Variants in PDE2A observed in about 807,000 individuals in gnomAD.
PDE2A encodes the protein cGMP-dependent 3',5'-cyclic phosphodiesterase.
A neutral mutation model predicts 133.6 loss-of-function variants in PDE2A; 53 were observed. The observed-to-expected ratio is 0.40, with a 90% CI of 0.32 to 0.50. The LOEUF (loss-of-function observed/expected upper bound fraction) is 0.50, where lower values mean the gene tolerates loss of function less well. PDE2A is among the 20% of genes least tolerant of loss of function. PDE2A has a pLI of 0.73. For missense variants in PDE2A, 796 were observed against 1,232.4 expected (o/e 0.65, Z 5.30); for synonymous variants, 491 against 490.2 (o/e 1.00, Z -0.02).
intron 2 of PDE2A, chr11:72,631,033 C>T (rs371975955): frequency 4.0e-5 from 58 of 1,436,936 alleles, no homozygotes; most frequent in Non-Finnish European, 5.0e-5. Flanking sequence ...AGTCTGCGCC[C>T]CACCCCCTCA....
chr11:72,615,009 A>T (rs145450660), intron 2 of PDE2A: 6 of 212,416 alleles, frequency 2.8e-5, no homozygotes, highest in Non-Finnish European at 5.5e-5. Flanking sequence ...CTCCCGCTCC[A>T]TGCCCCCATC....
chr11:72,658,980 G>A (rs1005423743), intron 1 of PDE2A, among the ~76,000 whole-genome samples: 1 of 151,996 alleles, frequency 6.6e-6, no homozygotes, highest in Non-Finnish European at 1.5e-5. Flanking sequence ...GGTGTGAGCC[G>A]CTGTGCCCAG....
chr11:72,673,879 C>A (rs1271456261), intron 1 of PDE2A, among the ~76,000 whole-genome samples: 2 of 152,156 alleles, frequency 1.3e-5, no homozygotes, highest in East Asian at 1.9e-4. Context: ...CCTCCTCCAA[C>A]CAGCAGCCCC....
chr11:72,607,278 C>T (rs956566469), intron 3 of PDE2A, among the ~76,000 whole-genome samples: 9 of 152,198 alleles, frequency 5.9e-5, no homozygotes, highest in African/African-American at 1.2e-4. Context: ...CTGGCACAGC[C>T]GCCAGGGCAC....
intron 3 of PDE2A, among the ~76,000 whole-genome samples, chr11:72,605,709 G>A (rs1293357045): frequency 6.6e-6 from 1 of 152,194 alleles, no homozygotes; most frequent in Non-Finnish European, 1.5e-5. Flanking sequence ...CCCCAGCCAG[G>A]GGAGGAACAC....
chr11:72,597,364 TA>T lies in PDE2A; in HGVS notation c.433+145del. ...TTTAGTAGTACAATAGAGAGAGAAT[TA>T]GATGGAGGGACTGCTAGAGACACAG... is the stretch of plus-strand genomic sequence containing the variant. On this transcript the variant is annotated intron_variant, in intron 5 of 30. Coordinates refer to ENST00000334456, the MANE Select transcript of PDE2A (RefSeq NM_002599.5). The surrounding 1 kb of genome is among the most constrained non-coding windows in gnomAD (Gnocchi z 4.6). 1.7e-6 allele frequency: 1 copy of T among 590,380 alleles called. No homozygotes were observed. The highest frequency in any genetic ancestry group is 3.0e-6 in the Non-Finnish European group (1 of 330,614). 36.6% of individuals were successfully genotyped at this position (590,380 alleles called of 1,614,324 possible). A position where few individuals can be genotyped will look rare whatever the true frequency, so the allele number is the denominator to read the frequency against.
intron 2 of PDE2A, among the ~76,000 whole-genome samples, chr11:72,614,611 G>A (rs775497104): frequency 7.9e-5 from 12 of 152,192 alleles, no homozygotes; most frequent in African/African-American, 2.4e-4. Context: ...AAGAACTTGC[G>A]TTTCCAAACA....
At chr11:72,673,264 A>G (rs1855423759) in intron 1 of PDE2A, among the ~76,000 whole-genome samples, 1 of 152,118 alleles carries the variant, frequency 6.6e-6, no homozygotes, top group Non-Finnish European at 1.5e-5. Context: ...TCACACTCAG[A>G]CACATGCGAA....
chr11:72,604,461 C>G (rs1319212120), intron 4 of PDE2A, among the ~76,000 whole-genome samples: 2 of 152,226 alleles, frequency 1.3e-5, no homozygotes, highest in Non-Finnish European at 2.9e-5. Flanking sequence ...TTCCAGCATT[C>G]TCTCACAATG....
intron 4 of PDE2A, among the ~76,000 whole-genome samples, chr11:72,604,936 A>C (rs1856906155): frequency 6.6e-6 from 1 of 152,236 alleles, no homozygotes; most frequent in Non-Finnish European, 1.5e-5. Context: ...CTCTGTGCCT[A>C]TCCATTTCCC....
At chr11:72,652,015 G>T (rs1325309998) in intron 1 of PDE2A, among the ~76,000 whole-genome samples, 1 of 152,238 alleles carries the variant, frequency 6.6e-6, no homozygotes, top group Non-Finnish European at 1.5e-5. Flanking sequence ...GCTGGCCCCA[G>T]GATTCAGGCT....
intron 1 of PDE2A, among the ~76,000 whole-genome samples, chr11:72,662,344 T>C (rs1342953671): frequency 6.6e-6 from 1 of 152,030 alleles, no homozygotes; most frequent in Non-Finnish European, 1.5e-5. Context: ...CCCAGCACCA[T>C]AAGGGGGCTG....
At chr11:72,651,957 T>A (rs1854752790) in intron 1 of PDE2A, among the ~76,000 whole-genome samples, 1 of 152,206 alleles carries the variant, frequency 6.6e-6, no homozygotes, top group South Asian at 2.1e-4. Flanking sequence ...CTTCTGAGCC[T>A]GTTTCCTGAT....
intron 1 of PDE2A, among the ~76,000 whole-genome samples, chr11:72,671,424 G>A (rs1855382017): frequency 6.6e-6 from 1 of 152,196 alleles, no homozygotes; most frequent in Admixed American, 6.5e-5. Flanking sequence ...CAGCAGCATG[G>A]CTGAGGGTGA....
Position 72,579,375 on chromosome 11 carries a change from C to T in PDE2A, c.2265G>A (p.Gln755=). 6.2e-7 allele frequency: 1 copy of T among 1,613,514 alleles called. No homozygotes were observed. The highest frequency in any genetic ancestry group is 8.5e-7 in the Non-Finnish European group (1 of 1,179,682). The change falls in exon 27 of 31, where the codon CAG becomes CAA. Residue 755 remains glutamine (Q), a synonymous_variant. Transcript: ENST00000334456. Reference sequence around the variant, plus strand: ...TGTCCCGCATCAGATCCAGCATGCGCTGATAGTCCTGAGGCGAGGGCAGGG... The same window carrying T: ...TGTCCCGCATCAGATCCAGCATGCGTTGATAGTCCTGAGGCGAGGGCAGGG... ...IFDHFSRKDY[Q]RMLDLMRDII...
At chr11:72,594,722 C>T (rs573962146) in intron 6 of PDE2A, among the ~76,000 whole-genome samples, 51 of 152,232 alleles carry the variant, frequency 3.4e-4, no homozygotes, top group African/African-American at 1.2e-3. Context: ...CTGCCTTGCT[C>T]ACATTCCTCC....
chr11:72,584,765 A>C (rs750489647), intron 17 of PDE2A, 37 bp from the exon 18 acceptor site: 11 of 1,611,798 alleles, frequency 6.8e-6, no homozygotes, highest in African/African-American at 1.3e-5. Context: ...GGAAGAAGTT[A>C]GTGACCCGGC....
intron 14 of PDE2A, 55 bp downstream of exon 14, chr11:72,586,015 G>C (rs1855956495): frequency 9.6e-7 from 1 of 1,041,408 alleles, no homozygotes; most frequent in Non-Finnish European, 1.5e-6. Flanking sequence ...ATGGCTCTCG[G>C]GGCTGAAAAC....
intron 1 of PDE2A, among the ~76,000 whole-genome samples, chr11:72,665,837 A>C (rs1855217666): frequency 6.6e-6 from 1 of 152,006 alleles, no homozygotes; most frequent in African/African-American, 2.4e-5. Context: ...GCACTGTCTC[A>C]GTACTAAGAG....
Sources: allele counts gnomAD v4.1 joint callset (sites outside exome capture counted in the v4.1 genomes callset), GRCh38; gene constraint gnomAD v4.1.1; non-coding constraint Gnocchi (gnomAD v3.1); transcripts MANE v1.5; gene names NCBI Gene and HGNC (gene_info 2026-07-23, HGNC 2026-07-21).